ARIH1: variants seen among roughly 807,000 people sequenced by gnomAD.
ARIH1 encodes the protein ariadne RBR E3 ubiquitin protein ligase 1.
ARIH1 carries 8 observed loss-of-function variants against 85.0 expected under a neutral mutation model. That is an observed-to-expected ratio of 0.09 (90% CI 0.06 to 0.17). The LOEUF is 0.17. ARIH1 is among the 10% of genes least tolerant of loss of function. The pLI is 1.00. For missense variants in ARIH1, 311 were observed against 718.1 expected (o/e 0.43, Z 6.48); for synonymous variants, 238 against 253.6 (o/e 0.94, Z 0.59).
chr15:72,520,369 A>G (rs548218462), intron 2 of ARIH1, among the ~76,000 whole-genome samples: 1 of 147,568 alleles, frequency 6.8e-6, no homozygotes, highest in Admixed American at 6.7e-5. Flanking sequence ...TTTTTTTTTT[A>G]AAGCATTTGA....
At chr15:72,521,751 G>A (rs923810143) in intron 2 of ARIH1, among the ~76,000 whole-genome samples, 3 of 152,046 alleles carry the variant, frequency 2.0e-5, no homozygotes, top group Non-Finnish European at 4.4e-5. Context: ...GTTTCACCAT[G>A]TTGGCCAGGC....
intron 3 of ARIH1, among the ~76,000 whole-genome samples, chr15:72,553,685 C>T (rs1166271786): frequency 9.2e-5 from 14 of 152,180 alleles, no homozygotes; most frequent in Non-Finnish European, 8.8e-5. Flanking sequence ...TTTGGGAGGC[C>T]GAGGTGGGTG....
chr15:72,507,668 TAAATAA>T (rs1034381751), intron 1 of ARIH1, among the ~76,000 whole-genome samples: 2 of 152,086 alleles, frequency 1.3e-5, no homozygotes, highest in African/African-American at 4.8e-5. Context: ...ATCCTGTCTT[TAAATAA>T]AAATAAATAA....
intron 3 of ARIH1, among the ~76,000 whole-genome samples, chr15:72,551,916 AAAG>A (rs927756304): frequency 3.3e-5 from 5 of 152,226 alleles, no homozygotes; most frequent in African/African-American, 7.2e-5. Flanking sequence ...AATCAAAACT[AAAG>A]AAGTTAGTGT....
intron 1 of ARIH1, among the ~76,000 whole-genome samples, chr15:72,506,980 TTATGTATGTATGTATGTATG>T (rs72006883): frequency 8.5e-4 from 127 of 150,112 alleles, no homozygotes; most frequent in African/African-American, 1.0e-3. Flanking sequence ...GTGATTATTT[TTATGTATGTATGTATGTATG>T]TATGTATGTA....
intron 1 of ARIH1, among the ~76,000 whole-genome samples, chr15:72,481,850 T>C (rs1477821352): frequency 6.6e-6 from 1 of 152,326 alleles, no homozygotes; most frequent in East Asian, 1.9e-4. Flanking sequence ...TCTTTTCTTT[T>C]TTGGAGACAG....
In ARIH1 at chr15:72,518,152, C is replaced by T; in HGVS notation, c.443+18C>T. On this transcript the variant is annotated intron_variant, in intron 2 of 13. Transcript: ENST00000379887. ...ATGGAAAGGTAAGGAACTATATTGT[C>T]AGCTTTGTACTTAGAAGTAACACAG... The T allele has an allele frequency of 6.3e-7, 1 of 1,576,714 alleles. No homozygotes were observed. The highest frequency in any genetic ancestry group is 8.7e-7 in the Non-Finnish European group (1 of 1,152,178).
intron 3 of ARIH1, among the ~76,000 whole-genome samples, chr15:72,548,522 G>A (rs1214057814): frequency 1.3e-5 from 2 of 152,168 alleles, no homozygotes; most frequent in Admixed American, 6.5e-5. Flanking sequence ...CACTATGCAA[G>A]TGATAGGATA....
intron 10 of ARIH1, 52 bp from the exon 11 acceptor site, chr15:72,572,056 C>G: frequency 2.5e-6 from 3 of 1,208,242 alleles, no homozygotes; most frequent in Non-Finnish European, 3.5e-6. Flanking sequence ...TTTTTTTTTT[C>G]CTTTTCATTG....
At position 72,532,893 on chromosome 15, in the gene ARIH1, A is replaced by C. The variant is rs565387435; in HGVS notation, c.444-11927A>C. 2.0e-5 allele frequency among the ~76,000 whole-genome samples: 3 copies of C among 152,350 alleles called. No homozygotes were observed. In the South Asian group the frequency reaches 6.2e-4, roughly 32 times the overall value. On this transcript the variant is annotated intron_variant, in intron 2 of 13. Transcript: ENST00000379887. The stretch of plus-strand genomic sequence containing the variant: ...CCTTTGCTTCATGATTTTAAAAAGA[A>C]GCTATTAGCAATCTAGAACTTTGTT...
chr15:72,594,970 G>T lies in ARIH1; in HGVS notation c.*11678G>T, dbSNP rs2064357980. The T allele has an allele frequency of 6.6e-6, 1 of 151,724 alleles. No homozygotes were observed. The highest frequency in any genetic ancestry group is 1.5e-5 in the Non-Finnish European group (1 of 67,960). 9.4% of individuals were successfully genotyped at this position (151,724 alleles called of 1,614,324 possible). On this transcript the variant is annotated 3_prime_UTR_variant, in exon 14 of 14. Transcript: ENST00000379887. ...TCACTAAGTATAATGTTAACTGTAA[G>T]TTTTTCACAGACCAGCCCAAAGAAG...
intron 10 of ARIH1, among the ~76,000 whole-genome samples, chr15:72,571,059 G>A (rs1461241015): frequency 6.6e-6 from 1 of 150,504 alleles, no homozygotes; most frequent in African/African-American, 2.5e-5. Flanking sequence ...AACTCGGGAG[G>A]TGGAGGTTGC....
At position 72,474,778 on chromosome 15, in the gene ARIH1, C is replaced by G. The variant is rs780042095; in HGVS notation, c.139C>G (p.Leu47Val). Residue 47 changes from leucine (L) to valine (V), a missense_variant, in exon 1 of 14, where the codon CTG becomes GTG. Transcript: ENST00000379887. Reference protein sequence around the residue: ...DDTLDLGEVELVEPGLGVGGE... With the variant: ...DDTLDLGEVEVVEPGLGVGGE... The stretch of plus-strand genomic sequence containing the variant: ...TACCCTGGATCTGGGCGAGGTGGAG[C>G]TGGTGGAGCCCGGGCTGGGCGTCGG... 1 of 1,525,976 alleles carries G rather than the reference C, an allele frequency of 6.6e-7. No homozygotes were observed. Among genetic ancestry groups the G allele is most frequent in the Non-Finnish European group, 8.8e-7 (1 of 1,134,718 alleles). 94.5% of individuals were successfully genotyped at this position (1,525,976 alleles called of 1,614,324 possible).
chr15:72,540,272 A>G (rs1458936219), intron 2 of ARIH1, among the ~76,000 whole-genome samples: 1 of 151,590 alleles, frequency 6.6e-6, no homozygotes, highest in East Asian at 1.9e-4. Context: ...AAAAAAAAAA[A>G]AAAAAAAAAA....
At chr15:72,497,254 A>G (rs1320756917) in intron 1 of ARIH1, among the ~76,000 whole-genome samples, 2 of 152,306 alleles carry the variant, frequency 1.3e-5, no homozygotes, top group East Asian at 1.9e-4. Context: ...AGATTGAGCT[A>G]TGTGTGTATA....
intron 3 of ARIH1, among the ~76,000 whole-genome samples, chr15:72,547,537 C>CT (rs969830179): frequency 6.6e-6 from 1 of 152,142 alleles, no homozygotes; most frequent in African/African-American, 2.4e-5. Flanking sequence ...CCAACAGTTT[C>CT]TTTTTTCTTT....
intron 2 of ARIH1, among the ~76,000 whole-genome samples, chr15:72,539,634 T>G (rs2064097939): frequency 6.6e-6 from 1 of 152,116 alleles, no homozygotes; most frequent in South Asian, 2.1e-4. Flanking sequence ...AAACATATTC[T>G]TAACAACTAA....
intron 2 of ARIH1, among the ~76,000 whole-genome samples, chr15:72,522,145 A>T (rs2064002857): frequency 6.6e-6 from 1 of 152,226 alleles, no homozygotes; most frequent in African/African-American, 2.4e-5. Context: ...TAATGAGAAT[A>T]CAAAGATGAG....
intron 10 of ARIH1, among the ~76,000 whole-genome samples, chr15:72,571,465 T>A (rs924863765): frequency 3.3e-5 from 5 of 152,328 alleles, no homozygotes; most frequent in African/African-American, 1.2e-4. Flanking sequence ...TAGTAACCAC[T>A]CCAGGGGAAG....
Sources: gnomAD v4.1 joint callset for allele counts (sites outside exome capture counted in the v4.1 genomes callset) on GRCh38, gnomAD v4.1.1 for gene constraint, MANE v1.5 for transcripts, NCBI Gene and HGNC (gene_info 2026-07-23, HGNC 2026-07-21) for gene names.